Variants in EBF1 observed in about 807,000 individuals in gnomAD.
EBF1 encodes EBF transcription factor 1, also known as transcription factor COE1.
EBF1 carries 10 observed loss-of-function variants against 68.4 expected under a neutral mutation model. The observed-to-expected ratio is 0.15, with a 90% confidence interval of 0.09 to 0.25. The LOEUF (loss-of-function observed/expected upper bound fraction) is 0.25. Ranked by LOEUF, EBF1 falls within the 10% of genes least tolerant of loss-of-function variation. EBF1 has a pLI of 1.00. For synonymous variants in EBF1, 298 were observed against 299.8 expected (o/e 0.99, Z 0.06); for missense variants, 509 against 794.4 (o/e 0.64, Z 4.32).
At chr5:158,781,156 G>C (rs969487104) in intron 9 of EBF1, among the ~76,000 whole-genome samples, 1 of 152,058 alleles carries the variant, frequency 6.6e-6, no homozygotes, top group Non-Finnish European at 1.5e-5. Context: ...CATGTTTGTG[G>C]TTTATGTATT....
chr5:158,853,226 A>G lies in EBF1; in HGVS notation c.555-13116T>C, dbSNP rs188554700. 1.5e-3 allele frequency among the ~76,000 whole-genome samples: 225 copies of G among 152,354 alleles called. 2 individuals carry two copies. The highest frequency in any genetic ancestry group is 5.3e-3 in the African/African-American group (220 of 41,584). The stretch of plus-strand genomic sequence containing the variant: ...CACTCAAGAGTCTTTACATTTCAGC[A>G]GCATAAACTCATTCCACACTTGGAC... On this transcript the variant is annotated intron_variant, in intron 6 of 15. Transcript: ENST00000313708.
At chr5:159,058,962 A>T (rs1045906209) in intron 6 of EBF1, among the ~76,000 whole-genome samples, 3 of 152,338 alleles carry the variant, frequency 2.0e-5, no homozygotes, top group African/African-American at 7.2e-5. Flanking sequence ...ATGTTCTCAT[A>T]ACCCCCAAAT....
At chr5:158,709,150 T>C (rs1758578029) in intron 14 of EBF1, among the ~76,000 whole-genome samples, 1 of 152,236 alleles carries the variant, frequency 6.6e-6, no homozygotes, top group Non-Finnish European at 1.5e-5. Flanking sequence ...ATACACTCGC[T>C]TTCTATTTCC....
chr5:158,986,555 A>G (rs1304849805), intron 6 of EBF1: 1 of 152,242 alleles, frequency 6.6e-6, no homozygotes, highest in East Asian at 1.9e-4. Flanking sequence ...GCAGCCAGAT[A>G]TATGGATTTG....
At position 159,032,891 on chromosome 5, in the gene EBF1, C is replaced by A. The variant is rs1183939837; in HGVS notation, c.554+40505G>T. On this transcript the variant is annotated intron_variant, in intron 6 of 15. Coordinates refer to ENST00000313708, the MANE Select transcript of EBF1 (RefSeq NM_024007.5). ...ATGTTCTCTATTTAAAGGAGCCCCA[C>A]ACAGAGAGAAGGGAGGGGAAGGAAA... 2.6e-5 allele frequency among the ~76,000 whole-genome samples: 4 copies of A among 152,018 alleles called. No homozygotes were observed. The East Asian group carries it at 7.7e-4, about 29-fold the overall frequency.
chr5:158,746,206 G>C (rs1767532338), intron 10 of EBF1, among the ~76,000 whole-genome samples: 2 of 152,318 alleles, frequency 1.3e-5, no homozygotes, highest in Admixed American at 1.3e-4. Context: ...ATTTGTCACA[G>C]CACAAGATGA....
chr5:158,975,270 TC>T (rs1449367552), intron 6 of EBF1, among the ~76,000 whole-genome samples: 3 of 151,838 alleles, frequency 2.0e-5, no homozygotes, highest in East Asian at 3.9e-4. Context: ...CTGACCCCAC[TC>T]CCCCCAAAAA....
chr5:158,705,655 C>T (rs1252142780), intron 15 of EBF1, among the ~76,000 whole-genome samples: 2 of 152,230 alleles, frequency 1.3e-5, no homozygotes, highest in Non-Finnish European at 2.9e-5. Flanking sequence ...TACCCTCATC[C>T]AGATCCTGGC....
At chr5:158,938,639 C>T (rs1812588972) in intron 6 of EBF1, among the ~76,000 whole-genome samples, 1 of 152,204 alleles carries the variant, frequency 6.6e-6, no homozygotes, top group Non-Finnish European at 1.5e-5. Flanking sequence ...CAGAGGGCTG[C>T]CTTCTTGCTG....
At chr5:158,759,909 T>TATTGC (rs1328613752) in intron 10 of EBF1, among the ~76,000 whole-genome samples, 1 of 151,746 alleles carries the variant, frequency 6.6e-6, no homozygotes, top group African/African-American at 2.4e-5. Context: ...ATTTGAATAT[T>TATTGC]ATTGCACCCT....
intron 8 of EBF1, among the ~76,000 whole-genome samples, chr5:158,797,479 C>A (rs1779793429): frequency 6.6e-6 from 1 of 152,116 alleles, no homozygotes; most frequent in Admixed American, 6.5e-5. Flanking sequence ...GAAAATGGGA[C>A]CCTCATCTTT....
intron 6 of EBF1, among the ~76,000 whole-genome samples, chr5:158,921,427 G>A (rs750353530): frequency 2.6e-5 from 4 of 152,278 alleles, no homozygotes; most frequent in African/African-American, 9.6e-5. Context: ...ACTCGCATCT[G>A]CTCCTATGGT....
At chr5:158,706,805 T>G (rs760408263) in intron 15 of EBF1, among the ~76,000 whole-genome samples, 4 of 152,220 alleles carry the variant, frequency 2.6e-5, no homozygotes, top group Non-Finnish European at 4.4e-5. Flanking sequence ...ATTTACCCTC[T>G]TTAAGCTTCC....
intron 6 of EBF1, among the ~76,000 whole-genome samples, chr5:159,003,460 G>GAAA (rs11428979): frequency 2.1e-5 from 3 of 143,790 alleles, no homozygotes; most frequent in African/African-American, 5.1e-5. Context: ...ACAACTGCAG[G>GAAA]AAAAAAAAAA....
intron 7 of EBF1, among the ~76,000 whole-genome samples, chr5:158,832,163 T>C (rs1194409840): frequency 6.6e-6 from 1 of 152,246 alleles, no homozygotes. Flanking sequence ...CAAACACTTT[T>C]ACATTCATCC....
chr5:158,848,077 C>A (rs988408021), intron 6 of EBF1, among the ~76,000 whole-genome samples: 1 of 152,168 alleles, frequency 6.6e-6, no homozygotes, highest in East Asian at 1.9e-4. Flanking sequence ...TGTGTAAGGC[C>A]GTGTCCTGAG....
intron 11 of EBF1, among the ~76,000 whole-genome samples, chr5:158,720,203 G>T (rs1761636535): frequency 6.6e-6 from 1 of 151,988 alleles, no homozygotes; most frequent in African/African-American, 2.4e-5. Flanking sequence ...GCAGGACCCA[G>T]ATTTTGATGT....
At position 158,956,754 on chromosome 5, in the gene EBF1, C is replaced by CTT. The variant is rs397883009; in HGVS notation, c.554+116640_554+116641dup. Among the ~76,000 whole-genome samples, 589 of 112,772 alleles carry CTT rather than the reference C, an allele frequency of 5.2e-3. 8 individuals are homozygous for CTT. The highest frequency in any genetic ancestry group is 7.1e-3 in the African/African-American group (193 of 27,220). The allele number at this position is 112,772 out of a possible 152,430, so 74.0% of individuals were successfully genotyped here. A position where few individuals can be genotyped will look rare whatever the true frequency, so the allele number is the denominator to read the frequency against. On this transcript the variant is annotated intron_variant, in intron 6 of 15. Coordinates refer to ENST00000313708, the MANE Select transcript of EBF1 (RefSeq NM_024007.5). The stretch of plus-strand genomic sequence containing the variant: ...CCCACTACCTCTGCCACCAACACTT[C>CTT]TTTTTTTTTTTTTTTTTTTTTTGAG...
At position 158,748,904 on chromosome 5, in the gene EBF1, G is replaced by C. The variant is rs1366517590; in HGVS notation, c.1037-17747C>G. 5.9e-5 allele frequency among the ~76,000 whole-genome samples: 9 copies of C among 152,130 alleles called. No homozygotes were observed. In the East Asian group the frequency reaches 7.7e-4, roughly 13 times the overall value. The stretch of plus-strand genomic sequence containing the variant: ...AAGGATGGTATAATGATCAAAGGAG[G>C]GGGGAAGAAAACTAATTGCAGATTT... On this transcript the variant is annotated intron_variant, in intron 10 of 15. Coordinates refer to ENST00000313708, the MANE Select transcript of EBF1 (RefSeq NM_024007.5).
Sources: allele counts gnomAD v4.1 joint callset (sites outside exome capture counted in the v4.1 genomes callset), GRCh38; gene constraint gnomAD v4.1.1; transcripts MANE v1.5; gene names NCBI Gene and HGNC (gene_info 2026-07-23, HGNC 2026-07-21).